COL5A2: variants seen among roughly 807,000 people sequenced by gnomAD.
The protein encoded by COL5A2 is collagen alpha-2(V) chain.
Under a neutral mutation model 208.2 loss-of-function variants are expected in COL5A2, and 23 were observed. The ratio of observed to expected loss-of-function variants is 0.11; its 90% CI spans 0.08 to 0.16. The LOEUF (loss-of-function observed/expected upper bound fraction) is 0.16, where lower values mean the gene tolerates loss of function less well. COL5A2 is among the 10% of genes least tolerant of loss of function. COL5A2 has a pLI of 1.00. For missense variants in COL5A2, 1,590 were observed against 1,956.4 expected (o/e 0.81, Z 3.53); for synonymous variants, 625 against 628.5 (o/e 0.99, Z 0.08).
intron 34 of COL5A2, 30 bp downstream of exon 34, chr2:189,057,290 G>GAAAAAATAAA: frequency 1.4e-6 from 1 of 709,922 alleles, no homozygotes; most frequent in Non-Finnish European, 2.1e-6. Flanking sequence ...TAAATGAACT[G>GAAAAAATAAA]AAAAAAAAAA....
the COL5A2 span, among the ~76,000 whole-genome samples, chr2:189,408,123 G>A: frequency 1.3e-5 from 2 of 152,042 alleles, no homozygotes; most frequent in Non-Finnish European, 2.9e-5. Context: ...CTCTAATCTG[G>A]GGCTGCAAAG....
At chr2:189,222,228 G>C (rs1479397082) in intron 1 of COL5A2, among the ~76,000 whole-genome samples, 1 of 152,136 alleles carries the variant, frequency 6.6e-6, no homozygotes, top group Non-Finnish European at 1.5e-5. Context: ...GTGTACATCA[G>C]AATTATCTGA....
chr2:189,259,621 T>C, the COL5A2 span, among the ~76,000 whole-genome samples: 1 of 152,224 alleles, frequency 6.6e-6, no homozygotes, highest in Non-Finnish European at 1.5e-5. Flanking sequence ...CACATCTTTG[T>C]ACTTGGCAAA....
At chr2:189,147,655 T>C (rs1688065580) in intron 1 of COL5A2, among the ~76,000 whole-genome samples, 1 of 152,070 alleles carries the variant, frequency 6.6e-6, no homozygotes, top group South Asian at 2.1e-4. Flanking sequence ...ACCAAAAAAA[T>C]ATTTCTTCAG....
the COL5A2 span, among the ~76,000 whole-genome samples, chr2:189,380,535 A>G: frequency 2.6e-5 from 4 of 151,916 alleles, no homozygotes; most frequent in African/African-American, 7.2e-5. Context: ...ATCTTAAAAC[A>G]TAGTTAATTA....
intron 5 of COL5A2, 91 bp from the exon 6 acceptor site, chr2:189,097,421 C>T: frequency 7.8e-7 from 1 of 1,279,780 alleles, no homozygotes; most frequent in Non-Finnish European, 1.1e-6. Context: ...AATTGGAAAA[C>T]AGAAATACCA....
intron 45 of COL5A2, among the ~76,000 whole-genome samples, chr2:189,046,334 A>C (rs1313829812): frequency 1.3e-5 from 2 of 152,218 alleles, no homozygotes; most frequent in Non-Finnish European, 2.9e-5. Context: ...GTATTCTTTC[A>C]GAAAACTATA....
chr2:189,124,550 A>T (rs935817351), intron 1 of COL5A2, among the ~76,000 whole-genome samples: 1 of 152,106 alleles, frequency 6.6e-6, no homozygotes, highest in Non-Finnish European at 1.5e-5. Flanking sequence ...TTTCACTTAA[A>T]CTAAACAGGG....
the COL5A2 span, among the ~76,000 whole-genome samples, chr2:189,359,822 C>G: frequency 6.6e-5 from 10 of 152,118 alleles, no homozygotes; most frequent in Admixed American, 2.0e-4. Context: ...AGGAATTTAT[C>G]TATTTGTTAG....
At chr2:189,394,310 T>G in the COL5A2 span, among the ~76,000 whole-genome samples, 1,106 of 152,176 alleles carry the variant, frequency 7.3e-3, 15 homozygotes, top group African/African-American at 0.025. Flanking sequence ...TAAATATGAA[T>G]AGTCTTGGGA....
chr2:189,323,205 G>A, the COL5A2 span, among the ~76,000 whole-genome samples: 1 of 152,096 alleles, frequency 6.6e-6, no homozygotes, highest in East Asian at 1.9e-4. Context: ...CAAACCCACA[G>A]CCAATATCAT....
At chr2:189,180,431 C>T (rs186772481), upstream of COL5A2, among the ~76,000 whole-genome samples, 1,167 of 152,278 alleles carry the variant, frequency 7.7e-3, 2 homozygotes, top group Non-Finnish European at 0.012. Flanking sequence ...TCTTCAGGTT[C>T]CTCTTGTCCC....
chr2:189,115,694 C>T (rs1251066551), intron 1 of COL5A2, among the ~76,000 whole-genome samples: 1 of 152,132 alleles, frequency 6.6e-6, no homozygotes, highest in Non-Finnish European at 1.5e-5. Context: ...GTGAGCTCCT[C>T]GACAGCCAGA....
chr2:189,182,053 T>C (rs1458531861), upstream of COL5A2, among the ~76,000 whole-genome samples: 2 of 152,220 alleles, frequency 1.3e-5, no homozygotes, highest in Non-Finnish European at 2.9e-5. Flanking sequence ...TTGGGCTTTT[T>C]CTCTATGTCT....
At chr2:189,200,981 C>G (rs565456756) in intron 1 of COL5A2, among the ~76,000 whole-genome samples, 2 of 121,566 alleles carry the variant, frequency 1.6e-5, no homozygotes, top group East Asian at 5.1e-4. Flanking sequence ...GTTCTTCAGA[C>G]AAAAGAAATA....
intron 52 of COL5A2, among the ~76,000 whole-genome samples, 168 bp downstream of exon 52, chr2:189,036,448 G>A (rs749200809): frequency 2.0e-5 from 3 of 151,936 alleles, no homozygotes; most frequent in Non-Finnish European, 4.4e-5. Flanking sequence ...GCAAAACCTT[G>A]TTTATGCAAT....
the COL5A2 span, among the ~76,000 whole-genome samples, chr2:189,385,267 C>T: frequency 6.6e-6 from 1 of 152,138 alleles, no homozygotes; most frequent in African/African-American, 2.4e-5. Context: ...TGATAAATGA[C>T]TTCAGCAAAG....
Position 189,100,111 on chromosome 2 carries a change from G to A in COL5A2, c.365C>T (p.Pro122Leu). 6.2e-7 allele frequency: 1 copy of A among 1,609,026 alleles called. No individual in the cohort carries two copies. The highest frequency in any genetic ancestry group is 1.1e-5 in the South Asian group (1 of 90,974). Reference protein sequence around the residue: ...KGQKGEPGLVPVVTGIRGRPG... With the variant: ...KGQKGEPGLVLVVTGIRGRPG... The stretch of plus-strand genomic sequence containing the variant: ...AATGATTATACATATACTTACAACA[G>A]GCACTAATCCTGGTTCTCCCTTTTG... Residue 122 changes from proline to leucine, a missense_variant, in exon 4 of 54, where the codon CCT becomes CTT. Physicochemically the swap from Pro to Leu is moderately conservative, Grantham distance 98. Coordinates refer to ENST00000374866, the MANE Select transcript of COL5A2 (RefSeq NM_000393.5).
chr2:189,091,628 T>C (rs191914685), intron 7 of COL5A2, among the ~76,000 whole-genome samples: 1 of 152,274 alleles, frequency 6.6e-6, no homozygotes, highest in East Asian at 1.9e-4. Context: ...TAACAGACTA[T>C]ATTGTGGAAA....
Sources: allele counts gnomAD v4.1 joint callset (sites outside exome capture counted in the v4.1 genomes callset), GRCh38; gene constraint gnomAD v4.1.1; transcripts MANE v1.5; gene names NCBI Gene and HGNC (gene_info 2026-07-23, HGNC 2026-07-21).